PPARGC1A: variants seen among roughly 807,000 people sequenced by gnomAD.
PPARGC1A encodes PPARG coactivator 1 alpha, also known as peroxisome proliferator-activated receptor gamma coactivator 1-alpha.
PPARGC1A carries 25 observed loss-of-function variants against 88.7 expected under a neutral mutation model. That is an observed-to-expected ratio of 0.28 (90% CI 0.21 to 0.39). The LOEUF (loss-of-function observed/expected upper bound fraction) is 0.39, where lower values mean the gene tolerates loss of function less well. Among genes scored for constraint, PPARGC1A ranks in the 10% least tolerant of loss-of-function variants. PPARGC1A has a pLI of 1.00. For missense variants in PPARGC1A, 880 were observed against 968.7 expected, an observed-to-expected ratio of 0.91 and a Z score of 1.22; for synonymous variants, 363 against 355.6, an observed-to-expected ratio of 1.02 and a Z score of -0.24.
the PPARGC1A span, among the ~76,000 whole-genome samples, chr4:23,976,536 C>T: frequency 6.6e-6 from 1 of 152,178 alleles, no homozygotes; most frequent in African/African-American, 2.4e-5. Context: ...AATTATGTCT[C>T]ACCCTACCAC....
intron 12 of PPARGC1A, among the ~76,000 whole-genome samples, chr4:23,800,437 ATGTT>A (rs902855677): frequency 4.6e-5 from 7 of 151,938 alleles, no homozygotes; most frequent in African/African-American, 1.7e-4. Context: ...TAAAAATTAA[ATGTT>A]TGGCTATAAT....
At chr4:24,077,811 C>A in the PPARGC1A span, among the ~76,000 whole-genome samples, 3 of 152,094 alleles carry the variant, frequency 2.0e-5, no homozygotes, top group Non-Finnish European at 4.4e-5. Context: ...CTTTCTGAAA[C>A]TCCTGTGGAT....
chr4:24,267,348 G>A, the PPARGC1A span, among the ~76,000 whole-genome samples: 1 of 152,142 alleles, frequency 6.6e-6, no homozygotes, highest in Non-Finnish European at 1.5e-5. Flanking sequence ...AGCCCCAGCA[G>A]GGAACCAAAG....
the PPARGC1A span, among the ~76,000 whole-genome samples, chr4:24,073,969 A>G: frequency 1.3e-5 from 2 of 152,204 alleles, no homozygotes; most frequent in African/African-American, 2.4e-5. Context: ...ACCACTCCCA[A>G]TGCAGGACCC....
At chr4:23,868,289 TCA>T (rs1348035025) in intron 2 of PPARGC1A, among the ~76,000 whole-genome samples, 1 of 152,134 alleles carries the variant, frequency 6.6e-6, no homozygotes. Flanking sequence ...GGGGGTAAGT[TCA>T]CAGACACTCT....
At chr4:24,116,935 C>T in the PPARGC1A span, among the ~76,000 whole-genome samples, 1 of 152,104 alleles carries the variant, frequency 6.6e-6, no homozygotes. Context: ...CATAACTGTG[C>T]TGCATTCCCC....
the PPARGC1A span, among the ~76,000 whole-genome samples, chr4:23,968,722 C>G: frequency 3.4e-3 from 523 of 152,216 alleles, 4 homozygotes; most frequent in South Asian, 0.027. Flanking sequence ...CGAGAACAGT[C>G]TGGCCAACAT....
At chr4:24,268,126 G>A in the PPARGC1A span, among the ~76,000 whole-genome samples, 5 of 152,194 alleles carry the variant, frequency 3.3e-5, no homozygotes, top group Admixed American at 6.5e-5. Context: ...TACATGGCAT[G>A]GATCCATGTC....
At chr4:24,392,087 TA>T in the PPARGC1A span, among the ~76,000 whole-genome samples, 1 of 152,158 alleles carries the variant, frequency 6.6e-6, no homozygotes, top group African/African-American at 2.4e-5. Flanking sequence ...GAAAACCTGA[TA>T]GTAAGAATTT....
At chr4:24,335,108 G>A in the PPARGC1A span, among the ~76,000 whole-genome samples, 1 of 152,174 alleles carries the variant, frequency 6.6e-6, no homozygotes, top group African/African-American at 2.4e-5. Flanking sequence ...GGAGTTGTCT[G>A]TCTAAATTGC....
chr4:23,994,921 A>C, the PPARGC1A span, among the ~76,000 whole-genome samples: 1 of 152,214 alleles, frequency 6.6e-6, no homozygotes, highest in East Asian at 1.9e-4. Flanking sequence ...TCAGACTTCA[A>C]ATGTTTACCA....
At chr4:24,239,850 T>C in the PPARGC1A span, among the ~76,000 whole-genome samples, 1 of 152,140 alleles carries the variant, frequency 6.6e-6, no homozygotes, top group South Asian at 2.1e-4. Flanking sequence ...GATGGGGGAT[T>C]GGAAGGGAAC....
the PPARGC1A span, among the ~76,000 whole-genome samples, chr4:23,933,343 A>C: frequency 6.6e-6 from 1 of 152,358 alleles, no homozygotes; most frequent in Non-Finnish European, 1.5e-5. Context: ...AATGAGATAA[A>C]GTAAGCAAAT....
At chr4:23,823,786 A>T (rs150924202) in intron 7 of PPARGC1A, among the ~76,000 whole-genome samples, 2 of 152,238 alleles carry the variant, frequency 1.3e-5, no homozygotes, top group African/African-American at 4.8e-5. Context: ...TCATGCAATC[A>T]TGCATTAGAC....
At chr4:23,971,731 G>A in the PPARGC1A span, among the ~76,000 whole-genome samples, 3 of 152,294 alleles carry the variant, frequency 2.0e-5, no homozygotes, top group East Asian at 5.8e-4. Flanking sequence ...TGACTCAAAT[G>A]CTAATCTCCT....
At chr4:23,939,226 A>AC in the PPARGC1A span, among the ~76,000 whole-genome samples, 1 of 151,658 alleles carries the variant, frequency 6.6e-6, no homozygotes, top group East Asian at 1.9e-4. Flanking sequence ...TTGCATATCA[A>AC]ACCCCCCCCC....
chr4:24,249,731 A>T, the PPARGC1A span, among the ~76,000 whole-genome samples: 3 of 152,122 alleles, frequency 2.0e-5, no homozygotes, highest in Admixed American at 2.0e-4. Context: ...GAACGTGGGG[A>T]TATCTGGGCT....
At chr4:23,998,610 C>T in the PPARGC1A span, among the ~76,000 whole-genome samples, 1 of 152,164 alleles carries the variant, frequency 6.6e-6, no homozygotes, top group Non-Finnish European at 1.5e-5. Context: ...AACTCAGCAT[C>T]TAATTTACTG....
At chr4:24,311,970 T>C in the PPARGC1A span, among the ~76,000 whole-genome samples, 6 of 152,292 alleles carry the variant, frequency 3.9e-5, no homozygotes, top group East Asian at 1.2e-3. Context: ...AGATAAAAAC[T>C]GTTTCCAAGG....
Sources: allele counts gnomAD v4.1 joint callset (sites outside exome capture counted in the v4.1 genomes callset), GRCh38; gene constraint gnomAD v4.1.1; transcripts MANE v1.5; gene names NCBI Gene and HGNC (gene_info 2026-07-23, HGNC 2026-07-21).